RALYL: variants seen among roughly 807,000 people sequenced by gnomAD.
RALYL encodes the protein RALY RNA binding protein like.
A neutral mutation model predicts 35.1 loss-of-function variants in RALYL; 29 were observed. The observed-to-expected ratio is 0.83, with a 90% CI of 0.61 to 1.13. The LOEUF is 1.13. Among genes scored for constraint, RALYL ranks in the 50% most tolerant of loss-of-function variants. RALYL has a pLI of 0.00. For missense variants in RALYL, 359 were observed against 360.4 expected (o/e 1.00, Z 0.03); for synonymous variants, 120 against 127.6 (o/e 0.94, Z 0.40).
At position 84,258,026 on chromosome 8, in the gene RALYL, T is replaced by A. The variant is rs551411891; in HGVS notation, c.-24+73602T>A. ...GAATTTAGAGTTCTTGTTGGGTATC[T>A]ACACGAAAATTCTAGAAGATATCTA... is the stretch of plus-strand genomic sequence containing the variant. On this transcript the variant is annotated intron_variant, in intron 1 of 8. Transcript: ENST00000521268. 1.2e-4 allele frequency among the ~76,000 whole-genome samples: 18 copies of A among 152,292 alleles called. No homozygotes were observed. In the East Asian group the frequency reaches 3.3e-3, roughly 28 times the overall value.
chr8:84,428,708 A>G (rs528530587), intron 1 of RALYL, among the ~76,000 whole-genome samples: 2 of 152,314 alleles, frequency 1.3e-5, no homozygotes, highest in East Asian at 3.9e-4. Context: ...AGAGACACAT[A>G]CAGTGTAATT....
intron 8 of RALYL, among the ~76,000 whole-genome samples, chr8:84,906,480 C>T (rs939923225): frequency 6.6e-6 from 1 of 152,140 alleles, no homozygotes; most frequent in Non-Finnish European, 1.5e-5. Flanking sequence ...TCAAGCTACA[C>T]TGAATCTAAT....
At chr8:84,618,457 T>C (rs1268308863) in intron 2 of RALYL, among the ~76,000 whole-genome samples, 1 of 150,106 alleles carries the variant, frequency 6.7e-6, no homozygotes, top group East Asian at 1.9e-4. Context: ...TATCATTTTT[T>C]ATTGCGTCTA....
intron 1 of RALYL, among the ~76,000 whole-genome samples, chr8:84,383,324 G>A (rs558177995): frequency 1.3e-5 from 2 of 151,810 alleles, no homozygotes; most frequent in South Asian, 4.2e-4. Flanking sequence ...TGGGGAATCA[G>A]ACTCCTGGAA....
intron 2 of RALYL, among the ~76,000 whole-genome samples, chr8:84,641,460 ATGAC>A (rs1285742754): frequency 6.6e-6 from 1 of 151,832 alleles, no homozygotes; most frequent in Admixed American, 6.6e-5. Flanking sequence ...TTAATTGGGA[ATGAC>A]TGAGACATCC....
intron 2 of RALYL, among the ~76,000 whole-genome samples, chr8:84,591,063 A>T (rs1403772395): frequency 2.0e-5 from 3 of 152,198 alleles, no homozygotes; most frequent in Non-Finnish European, 2.9e-5. Context: ...GACTTAGAAC[A>T]TGCCGAAAGC....
intron 4 of RALYL, among the ~76,000 whole-genome samples, chr8:84,848,931 G>T (rs1235207171): frequency 6.6e-6 from 1 of 151,996 alleles, no homozygotes; most frequent in Non-Finnish European, 1.5e-5. Flanking sequence ...GCGAGATGTT[G>T]TCAAAATGAC....
In RALYL at chr8:84,614,327, A is replaced by G. The variant is rs138754302; in HGVS notation, c.256+84750A>G. ...TCTCCCTACACTCAAATTCTGAGCT[A>G]ATATTATAGGAATGAAATCACAAAG... On this transcript the variant is annotated intron_variant, in intron 2 of 8. Transcript: ENST00000521268. Among the ~76,000 whole-genome samples the G allele has an allele frequency of 5.8e-4, 88 of 151,746 alleles. 2 individuals are homozygous for G. Among genetic ancestry groups the G allele is most frequent in the African/African-American group, 1.9e-3 (78 of 41,170 alleles).
chr8:84,829,525 C>T, intron 4 of RALYL: 1 of 152,416 alleles, frequency 6.6e-6, no homozygotes. Context: ...GCCCACTATG[C>T]CCCCCAGGAC....
chr8:84,500,164 T>G lies in RALYL; in HGVS notation c.-23-29135T>G, dbSNP rs76984368. On this transcript the variant is annotated intron_variant, in intron 1 of 8. Coordinates refer to ENST00000521268, the MANE Select transcript of RALYL (RefSeq NM_173848.7). Reference sequence around the variant, plus strand: ...GACAAATTTCTATAAAATTGAAATATGATGATTTAAAAACTGAAACTTTAA... The same window carrying G: ...GACAAATTTCTATAAAATTGAAATAGGATGATTTAAAAACTGAAACTTTAA... Among the ~76,000 whole-genome samples, 610 of 152,282 alleles carry G rather than the reference T, an allele frequency of 4.0e-3. 2 individuals carry two copies. Among genetic ancestry groups the G allele is most frequent in the Middle Eastern group, 6.8e-3 (2 of 294 alleles).
chr8:84,638,871 AATATATAT>A (rs71273908), intron 2 of RALYL, among the ~76,000 whole-genome samples: 363 of 86,148 alleles, frequency 4.2e-3, no homozygotes, highest in African/African-American at 0.016. Context: ...TGCACGCATA[AATATATAT>A]ATATATATAT....
chr8:84,871,014 G>A (rs1035534117), intron 6 of RALYL, among the ~76,000 whole-genome samples: 1 of 152,158 alleles, frequency 6.6e-6, no homozygotes, highest in East Asian at 1.9e-4. Context: ...CATTCTAAGA[G>A]GGAACTGAGC....
intron 2 of RALYL, among the ~76,000 whole-genome samples, chr8:84,772,383 T>A (rs1375179187): frequency 6.6e-6 from 1 of 152,118 alleles, no homozygotes; most frequent in East Asian, 1.9e-4. Flanking sequence ...GCTTCAGGCA[T>A]ATACATAAAA....
chr8:84,774,725 C>A, intron 3 of RALYL, 71 bp downstream of exon 3: 1 of 917,094 alleles, frequency 1.1e-6, no homozygotes, highest in Non-Finnish European at 1.7e-6. Flanking sequence ...GGCAATATAA[C>A]TTGTAAGGCA....
At chr8:84,248,667 T>C (rs566617115) in intron 1 of RALYL, among the ~76,000 whole-genome samples, 3 of 152,128 alleles carry the variant, frequency 2.0e-5, no homozygotes, top group Non-Finnish European at 4.4e-5. Flanking sequence ...TTTCTTGTTA[T>C]CTGTTCTGAT....
chr8:84,492,763 G>A (rs1024914299), intron 1 of RALYL, among the ~76,000 whole-genome samples: 2 of 147,358 alleles, frequency 1.4e-5, no homozygotes, highest in Non-Finnish European at 2.9e-5. Context: ...CTTTCAAAAG[G>A]TATTACATAA....
intron 1 of RALYL, among the ~76,000 whole-genome samples, chr8:84,459,131 G>T (rs1330188344): frequency 6.6e-6 from 1 of 151,692 alleles, no homozygotes; most frequent in African/African-American, 2.4e-5. Flanking sequence ...TGAGTTTCTA[G>T]ATTGTATATG....
At chr8:84,381,185 T>G (rs886165714) in intron 1 of RALYL, among the ~76,000 whole-genome samples, 1 of 151,926 alleles carries the variant, frequency 6.6e-6, no homozygotes, top group African/African-American at 2.4e-5. Flanking sequence ...CCAACCTCAC[T>G]AAGGACATTT....
chr8:84,468,932 G>A (rs371556882), intron 1 of RALYL, among the ~76,000 whole-genome samples: 2 of 151,108 alleles, frequency 1.3e-5, no homozygotes, highest in South Asian at 2.1e-4. Context: ...CCAGTTGATC[G>A]CATCGGCTCC....
Sources: allele counts gnomAD v4.1 joint callset (sites outside exome capture counted in the v4.1 genomes callset), GRCh38; gene constraint gnomAD v4.1.1; transcripts MANE v1.5; gene names NCBI Gene and HGNC (gene_info 2026-07-23, HGNC 2026-07-21).